Variants in PRDM16 observed in about 807,000 individuals in gnomAD.
PRDM16 encodes histone-lysine N-methyltransferase PRDM16.
Under a neutral mutation model 110.6 loss-of-function variants are expected in PRDM16, and 23 were observed. The observed-to-expected ratio is 0.21, with a 90% CI of 0.15 to 0.29. The LOEUF is 0.29. Ranked by LOEUF, PRDM16 falls within the 10% of genes least tolerant of loss-of-function variation. The pLI is 1.00. For synonymous variants in PRDM16, 799 were observed against 781.8 expected, an observed-to-expected ratio of 1.02 and a Z score of -0.37; for missense variants, 1,615 against 1,794.3, an observed-to-expected ratio of 0.90 and a Z score of 1.81.
At chr1:3,409,845 TGG>T (rs1491535999) in intron 8 of PRDM16, among the ~76,000 whole-genome samples, 115 of 137,392 alleles carry the variant, frequency 8.4e-4, no homozygotes, top group African/African-American at 1.2e-3. Context: ...GTGTGTGGTG[TGG>T]GTGTGTGTGT....
At chr1:3,117,751 C>T (rs573355207) in intron 1 of PRDM16, among the ~76,000 whole-genome samples, 2 of 152,252 alleles carry the variant, frequency 1.3e-5, no homozygotes, top group African/African-American at 2.4e-5. Context: ...CCCGGGCCCG[C>T]CTTGTCCTTG....
At chr1:3,219,520 C>T (rs942090084) in intron 2 of PRDM16, among the ~76,000 whole-genome samples, 3 of 152,124 alleles carry the variant, frequency 2.0e-5, no homozygotes, top group Non-Finnish European at 4.4e-5. Context: ...GGCAGGCCCT[C>T]GGTAGGGCAG....
At position 3,244,802 on chromosome 1, in the gene PRDM16, G is replaced by A. The variant is rs1446509259; in HGVS notation, c.438+665G>A. Among the ~76,000 whole-genome samples, 2 of 152,128 alleles carry A rather than the reference G, an allele frequency of 1.3e-5. No individual in the cohort carries two copies. The highest frequency in any genetic ancestry group is 4.8e-5 in the African/African-American group (2 of 41,418). ...CTGCAGTCCAGACGGCCAGGAGGAG[G>A]AATGGCCTGGAAAGCAGCTCCGAAA... On this transcript the variant is annotated intron_variant, in intron 3 of 16. Transcript: ENST00000270722. The surrounding 1 kb of genome is among the most constrained non-coding windows in gnomAD (Gnocchi z 4.1).
At chr1:3,431,820 G>A in intron 15 of PRDM16, 146 bp from the exon 16 acceptor site, 1 of 759,950 alleles carries the variant, frequency 1.3e-6, no homozygotes, top group Non-Finnish European at 2.1e-6. Flanking sequence ...GCGTCTGTGT[G>A]TCCGTGTGTC....
chr1:3,108,657 A>T (rs1642718891), intron 1 of PRDM16, among the ~76,000 whole-genome samples: 1 of 152,146 alleles, frequency 6.6e-6, no homozygotes, highest in Non-Finnish European at 1.5e-5. Context: ...GCACAGAGAG[A>T]TGGTGCCTCT....
intron 3 of PRDM16, among the ~76,000 whole-genome samples, chr1:3,263,623 G>A (rs1640219450): frequency 1.3e-5 from 2 of 152,348 alleles, no homozygotes; most frequent in South Asian, 4.1e-4. Context: ...ATATGTCCGG[G>A]CCACAGCTCT....
intron 2 of PRDM16, among the ~76,000 whole-genome samples, chr1:3,212,663 G>A (rs1022015990): frequency 2.7e-5 from 4 of 149,938 alleles, no homozygotes; most frequent in African/African-American, 2.4e-5. Context: ...CGGTCCTCCC[G>A]CTCATCCTCC....
chr1:3,129,094 G>T (rs1643275835), intron 1 of PRDM16, among the ~76,000 whole-genome samples: 1 of 151,704 alleles, frequency 6.6e-6, no homozygotes, highest in Non-Finnish European at 1.5e-5. Context: ...GCGTTTCCTG[G>T]CTGGTGTGCG....
In PRDM16 at chr1:3,359,852, CAA is replaced by C. The variant is rs1257497696; in HGVS notation, c.439-25299_439-25298del. ...TGTTTACTTAGAAGGTGGCACCCGACAAGGGCTTCCAATGTGTTCCATGTGCA... is the reference window on the plus strand; with the variant it reads ...TGTTTACTTAGAAGGTGGCACCCGACGGGCTTCCAATGTGTTCCATGTGCA... On this transcript the variant is annotated intron_variant, in intron 3 of 16. Transcript: ENST00000270722. The surrounding 1 kb of genome is among the most constrained non-coding windows in gnomAD (Gnocchi z 4.3). 7.0e-6 allele frequency among the ~76,000 whole-genome samples: 1 copy of C among 141,978 alleles called. No individual in the cohort carries two copies. The highest frequency in any genetic ancestry group is 1.5e-5 in the Non-Finnish European group (1 of 67,998). 93.1% of individuals were successfully genotyped at this position (141,978 alleles called of 152,430 possible).
At chr1:3,407,548 G>A (rs1482412850) in intron 8 of PRDM16, among the ~76,000 whole-genome samples, 1 of 152,214 alleles carries the variant, frequency 6.6e-6, no homozygotes, top group African/African-American at 2.4e-5. Context: ...GCTCCCAGCT[G>A]CAGGTCAAGT....
chr1:3,326,829 G>A (rs1057438386), intron 3 of PRDM16, among the ~76,000 whole-genome samples: 2 of 152,242 alleles, frequency 1.3e-5, no homozygotes, highest in African/African-American at 4.8e-5. Flanking sequence ...TTGTCTCAGG[G>A]TCAGGAACAG....
rs373394041 is a variant in PRDM16, at chr1:3,419,984, A to G, written c.2939+1240A>G. Among the ~76,000 whole-genome samples the G allele has an allele frequency of 3.5e-4, 53 of 152,078 alleles. No homozygotes were observed. The East Asian group carries it at 8.9e-3, about 26-fold the overall frequency. ...AACTTAACAAAGGCTAGCAGCAGAAAGATTTATTTGGTCTGGTCCCCTCCC... is the reference window on the plus strand; with the variant it reads ...AACTTAACAAAGGCTAGCAGCAGAAGGATTTATTTGGTCTGGTCCCCTCCC... On this transcript the variant is annotated intron_variant, in intron 12 of 16. Transcript: ENST00000270722.
At chr1:3,122,058 C>G (rs1231023422) in intron 1 of PRDM16, among the ~76,000 whole-genome samples, 1 of 152,210 alleles carries the variant, frequency 6.6e-6, no homozygotes, top group East Asian at 1.9e-4. Context: ...TTAGGGGAGC[C>G]AGCCTCACCG....
Position 3,437,552 on chromosome 1 carries a change from C to T in PRDM16, c.*3741C>T, listed in dbSNP as rs574638566. 8.8e-5 allele frequency: 20 copies of T among 228,530 alleles called. No homozygotes were observed. The highest frequency in any genetic ancestry group is 1.8e-4 in the South Asian group (1 of 5,478). 14.2% of individuals were successfully genotyped at this position (228,530 alleles called of 1,614,324 possible). ...GCAAGGCTCTCCTCCCAGCCAGGGA[C>T]GCCAGGACATAGCTGCTCCTGGTCA... On this transcript the variant is annotated 3_prime_UTR_variant, in exon 17 of 17. Coordinates refer to ENST00000270722, the MANE Select transcript of PRDM16 (RefSeq NM_022114.4).
At chr1:3,108,903 TA>T (rs34467003) in intron 1 of PRDM16, among the ~76,000 whole-genome samples, 40,925 of 146,014 alleles carry the variant, frequency 0.28, 5,831 homozygotes, top group African/African-American at 0.37. Flanking sequence ...CTGTCTCTAC[TA>T]AAAAAAAAAA....
At chr1:3,302,168 A>G (rs1372335119) in intron 3 of PRDM16, among the ~76,000 whole-genome samples, 1 of 152,168 alleles carries the variant, frequency 6.6e-6, no homozygotes, top group East Asian at 1.9e-4. Context: ...TGGTCAATAA[A>G]CAACCTTATT....
intron 1 of PRDM16, among the ~76,000 whole-genome samples, chr1:3,119,513 C>A (rs72846097): frequency 6.6e-6 from 1 of 152,096 alleles, no homozygotes; most frequent in Non-Finnish European, 1.5e-5. Flanking sequence ...AAGCCTCACC[C>A]CCAGGGATGG....
At chr1:3,237,481 C>T (rs748419894) in intron 2 of PRDM16, among the ~76,000 whole-genome samples, 41 of 152,184 alleles carry the variant, frequency 2.7e-4, no homozygotes, top group South Asian at 2.1e-4. Context: ...ATTGTGTCTG[C>T]CCCAGAGTAG....
At chr1:3,424,626 A>G (rs1349246286) in intron 12 of PRDM16, among the ~76,000 whole-genome samples, 1 of 152,268 alleles carries the variant, frequency 6.6e-6, no homozygotes, top group African/African-American at 2.4e-5. Context: ...CAAAGGGGCC[A>G]GTGTGGTCTT....
Sources: allele counts gnomAD v4.1 joint callset (sites outside exome capture counted in the v4.1 genomes callset), GRCh38; gene constraint gnomAD v4.1.1; non-coding constraint Gnocchi (gnomAD v3.1); transcripts MANE v1.5; gene names NCBI Gene and HGNC (gene_info 2026-07-23, HGNC 2026-07-21).